Variants in HIP1 observed in about 807,000 individuals in gnomAD.
The protein encoded by HIP1 is huntingtin-interacting protein 1.
Under a neutral mutation model 147.6 loss-of-function variants are expected in HIP1, and 65 were observed. That is an observed-to-expected ratio of 0.44 (90% CI 0.36 to 0.54). The LOEUF is 0.54. HIP1 is among the 20% of genes least tolerant of loss of function. The probability of loss-of-function intolerance (pLI) is 0.00; values close to 1 mark genes in which losing one functional copy is unlikely to be tolerated. For missense variants in HIP1, 1,061 were observed against 1,299.6 expected, an observed-to-expected ratio of 0.82 and a Z score of 2.82; for synonymous variants, 479 against 504.0, an observed-to-expected ratio of 0.95 and a Z score of 0.67.
chr7:75,571,554 A>G (rs1308366203), intron 8 of HIP1, among the ~76,000 whole-genome samples: 1 of 152,196 alleles, frequency 6.6e-6, no homozygotes, highest in African/African-American at 2.4e-5. Flanking sequence ...CCGCAGTTAC[A>G]GAGTATACTG....
intron 1 of HIP1, among the ~76,000 whole-genome samples, chr7:75,601,310 C>T (rs12531749): frequency 0.12 from 18,332 of 151,912 alleles, 1,362 homozygotes; most frequent in African/African-American, 0.19. Context: ...AGCTTATGGC[C>T]GGGCACAGTG....
intron 29 of HIP1, among the ~76,000 whole-genome samples, chr7:75,539,730 T>G (rs935773229): frequency 2.6e-5 from 4 of 152,224 alleles, no homozygotes; most frequent in African/African-American, 9.6e-5. Flanking sequence ...AATTCTCTTC[T>G]TTGCTCTAAT....
intron 4 of HIP1, among the ~76,000 whole-genome samples, chr7:75,590,220 A>G (rs145038546): frequency 2.0e-5 from 3 of 152,272 alleles, no homozygotes; most frequent in Admixed American, 6.5e-5. Context: ...CATAACCAAA[A>G]CCAAAATACA....
intron 23 of HIP1, among the ~76,000 whole-genome samples, 179 bp from the exon 24 acceptor site, chr7:75,547,992 G>C (rs1338074839): frequency 6.6e-6 from 1 of 152,046 alleles, no homozygotes; most frequent in East Asian, 1.9e-4. Context: ...ACCTATTCAG[G>C]GGGAGTGCAG....
intron 7 of HIP1, among the ~76,000 whole-genome samples, chr7:75,577,321 G>A (rs1342842973): frequency 1.2e-5 from 1 of 83,694 alleles, no homozygotes; most frequent in African/African-American, 6.0e-5. Flanking sequence ...GACAGAGTGA[G>A]ATCCCATCTC....
chr7:75,646,431 CA>C (rs1412110370), intron 1 of HIP1, among the ~76,000 whole-genome samples: 1 of 152,240 alleles, frequency 6.6e-6, no homozygotes, highest in Non-Finnish European at 1.5e-5. Context: ...CTTTGCTGAC[CA>C]CAGGGTCTAC....
chr7:75,728,909 AAAG>A (rs1328070816), intron 1 of HIP1, among the ~76,000 whole-genome samples: 1 of 148,056 alleles, frequency 6.8e-6, no homozygotes, highest in Non-Finnish European at 1.5e-5. Flanking sequence ...GGCAGTTATA[AAAG>A]TAGTTGTCAG....
chr7:75,632,971 A>G (rs1798284055), intron 1 of HIP1, among the ~76,000 whole-genome samples: 1 of 152,180 alleles, frequency 6.6e-6, no homozygotes, highest in Non-Finnish European at 1.5e-5. Context: ...ACACATGGAC[A>G]CGTGGCAGGG....
chr7:75,571,120 C>T (rs1310187693), intron 8 of HIP1, among the ~76,000 whole-genome samples: 1 of 150,442 alleles, frequency 6.6e-6, no homozygotes, highest in African/African-American at 2.5e-5. Context: ...TATTGCCCTG[C>T]CTTCAAAGAA....
intron 19 of HIP1, 31 bp downstream of exon 19, chr7:75,555,385 G>A: frequency 6.2e-7 from 1 of 1,612,112 alleles, no homozygotes; most frequent in East Asian, 2.2e-5. Flanking sequence ...TAAGGACCTG[G>A]CCCCTGCCAG....
At chr7:75,594,448 C>A (rs1442708389) in intron 2 of HIP1, among the ~76,000 whole-genome samples, 1 of 152,028 alleles carries the variant, frequency 6.6e-6, no homozygotes, top group Non-Finnish European at 1.5e-5. Context: ...AACACACCCA[C>A]CCTCTGCAGA....
chr7:75,595,145 T>G (rs1184367400), intron 2 of HIP1, among the ~76,000 whole-genome samples: 2 of 152,088 alleles, frequency 1.3e-5, no homozygotes, highest in Non-Finnish European at 2.9e-5. Context: ...CTTAAACAGA[T>G]GTTTGGGTCT....
In HIP1 at chr7:75,616,085, C is replaced by CAAA. The variant is rs71098042; in HGVS notation, c.121-16841_121-16839dup. On this transcript the variant is annotated intron_variant, in intron 1 of 30. Transcript: ENST00000336926. ...TGGGCGACAGAGTAAGACTCTGTCT[C>CAAA]AAAAAAAAAAAAAAAAAAAAAGAAA... Among the ~76,000 whole-genome samples the CAAA allele has an allele frequency of 1.4e-3, 50 of 35,292 alleles. 3 individuals are homozygous for CAAA. Among genetic ancestry groups the CAAA allele is most frequent in the East Asian group, 6.3e-3 (8 of 1,274 alleles). The allele number at this position is 35,292 out of a possible 152,430, so 23.2% of individuals were successfully genotyped here.
At chr7:75,577,332 C>CAAAAAAAAAAAAAAAAA (rs61299057) in intron 7 of HIP1, among the ~76,000 whole-genome samples, 3 of 96,904 alleles carry the variant, frequency 3.1e-5, no homozygotes, top group African/African-American at 7.5e-5. Flanking sequence ...ATCCCATCTC[C>CAAAAAAAAAAAAAAAAA]AAAAAAAAAA....
In HIP1 at chr7:75,698,901, A is replaced by G. The variant is rs558430411; in HGVS notation, c.120+39900T>C. Among the ~76,000 whole-genome samples the G allele has an allele frequency of 2.6e-5, 4 of 152,236 alleles. No individual in the cohort carries two copies. In the East Asian group the frequency reaches 7.7e-4, roughly 29 times the overall value. Reference sequence around the variant, plus strand: ...TTTGTATTCACTTGTAGGTAAAAATAAAACACTTGGATGGACACAATAAGA... The same window carrying G: ...TTTGTATTCACTTGTAGGTAAAAATGAAACACTTGGATGGACACAATAAGA... On this transcript the variant is annotated intron_variant, in intron 1 of 30. Coordinates refer to ENST00000336926, the MANE Select transcript of HIP1 (RefSeq NM_005338.7).
chr7:75,589,381 G>A (rs1388480319), intron 4 of HIP1, among the ~76,000 whole-genome samples: 1 of 151,656 alleles, frequency 6.6e-6, no homozygotes, highest in Non-Finnish European at 1.5e-5. Flanking sequence ...TCTGACACAG[G>A]TCTAGCCAAA....
At chr7:75,581,332 C>G in intron 6 of HIP1, 34 bp from the exon 7 acceptor site, 1 of 1,562,140 alleles carries the variant, frequency 6.4e-7, no homozygotes, top group Non-Finnish European at 8.8e-7. Flanking sequence ...TTACACTCCA[C>G]AGCCTGAGGC....
At chr7:75,692,613 A>G (rs1554518289) in intron 1 of HIP1, among the ~76,000 whole-genome samples, 1 of 147,306 alleles carries the variant, frequency 6.8e-6, no homozygotes, top group East Asian at 2.0e-4. Context: ...TATTTTTAGT[A>G]GAGATGAGGT....
intron 1 of HIP1, among the ~76,000 whole-genome samples, chr7:75,692,348 T>C (rs981860644): frequency 8.6e-5 from 13 of 151,768 alleles, no homozygotes; most frequent in African/African-American, 3.1e-4. Flanking sequence ...AGCTTCCAAC[T>C]CCTGGGCTCA....
Sources: gnomAD v4.1 joint callset for allele counts (sites outside exome capture counted in the v4.1 genomes callset) on GRCh38, gnomAD v4.1.1 for gene constraint, MANE v1.5 for transcripts, NCBI Gene and HGNC (gene_info 2026-07-23, HGNC 2026-07-21) for gene names.